PCNX4: variants seen among roughly 807,000 people sequenced by gnomAD.
The protein encoded by PCNX4 is pecanex-like protein 4.
In PCNX4, 103 loss-of-function variants were observed where a neutral mutation model predicts 107.2. The ratio of observed to expected loss-of-function variants is 0.96; its 90% CI spans 0.82 to 1.13. The LOEUF (loss-of-function observed/expected upper bound fraction) is 1.13. Among genes scored for constraint, PCNX4 ranks in the 50% most tolerant of loss-of-function variants. The pLI, the probability that PCNX4 is intolerant of heterozygous loss-of-function variation, is 0.00. For missense variants in PCNX4, 1,528 were observed against 1,379.4 expected, an observed-to-expected ratio of 1.11 and a Z score of -1.71; for synonymous variants, 541 against 481.7, an observed-to-expected ratio of 1.12 and a Z score of -1.61.
chr14:60,113,499 G>T (rs1188393807), intron 2 of PCNX4, among the ~76,000 whole-genome samples: 1 of 152,000 alleles, frequency 6.6e-6, no homozygotes, highest in Non-Finnish European at 1.5e-5. Flanking sequence ...CTCCCTAGTA[G>T]CTGGGATTAC....
intron 1 of PCNX4, among the ~76,000 whole-genome samples, chr14:60,095,552 T>TC (rs1190054038): frequency 1.3e-5 from 2 of 152,188 alleles, no homozygotes; most frequent in Admixed American, 1.3e-4. Context: ...CTTGACTTCT[T>TC]CCCTTTGGCT....
In PCNX4 at chr14:60,145,292, G is replaced by T; in HGVS notation, c.*11071G>T. On this transcript the variant is annotated 3_prime_UTR_variant, in exon 11 of 11. Coordinates refer to ENST00000406854, the MANE Select transcript of PCNX4 (RefSeq NM_001330177.2). The surrounding 1 kb of genome is among the most constrained non-coding windows in gnomAD (Gnocchi z 4.0). ...TAAATTCTCTATAATGACTTTTCTG[G>T]ATCAGCATATCATACCTACACTGAC... 3.9e-6 allele frequency: 1 copy of T among 255,024 alleles called. No homozygotes were observed. Among genetic ancestry groups the T allele is most frequent in the Non-Finnish European group, 7.3e-6 (1 of 136,994 alleles). 15.8% of individuals were successfully genotyped at this position (255,024 alleles called of 1,614,324 possible).
At position 60,135,242 on chromosome 14, in the gene PCNX4, A is replaced by C. The variant is rs138922980; in HGVS notation, c.*1021A>C. 2 of 152,330 alleles carry C rather than the reference A, an allele frequency of 1.3e-5. No homozygotes were observed. The highest frequency in any genetic ancestry group is 4.8e-5 in the African/African-American group (2 of 41,580). 9.4% of individuals were successfully genotyped at this position (152,330 alleles called of 1,614,324 possible). A position where few individuals can be genotyped will look rare whatever the true frequency, so the allele number is the denominator to read the frequency against. On this transcript the variant is annotated 3_prime_UTR_variant, in exon 11 of 11. Coordinates refer to ENST00000406854, the MANE Select transcript of PCNX4 (RefSeq NM_001330177.2). ...TGTATTCTCCTTAGAAATCATTCAA[A>C]TTATATGAAATGTACCAGTTAAGTT...
rs1204715572 is a variant in PCNX4 at position 60,143,733 on chromosome 14, G to A, written c.*9512G>A. The A allele has an allele frequency of 2.0e-5, 3 of 152,292 alleles. No homozygotes were observed. The highest frequency in any genetic ancestry group is 1.9e-4 in the East Asian group (1 of 5,184). 9.4% of individuals were successfully genotyped at this position (152,292 alleles called of 1,614,324 possible). A position where few individuals can be genotyped will look rare whatever the true frequency, so the allele number is the denominator to read the frequency against. Reference sequence around the variant, plus strand: ...CTTTTCCAAGGACAGCCACTTGGGTGGCTTCCAACTTGCCCAACAACTATT... The same window carrying A: ...CTTTTCCAAGGACAGCCACTTGGGTAGCTTCCAACTTGCCCAACAACTATT... On this transcript the variant is annotated 3_prime_UTR_variant, in exon 11 of 11. Coordinates refer to ENST00000406854, the MANE Select transcript of PCNX4 (RefSeq NM_001330177.2).
At chr14:60,096,287 C>T (rs907743982) in intron 1 of PCNX4, among the ~76,000 whole-genome samples, 2 of 152,168 alleles carry the variant, frequency 1.3e-5, no homozygotes, top group Admixed American at 6.5e-5. Context: ...GGTTTTGCAG[C>T]ACAGCTTTCC....
chr14:60,111,244 G>C (rs1895734748), intron 2 of PCNX4: 1 of 152,142 alleles, frequency 6.6e-6, no homozygotes, highest in South Asian at 2.1e-4. Context: ...CACTGAAACT[G>C]ACCTGTCCTT....
chr14:60,110,731 G>C (rs1287957202), intron 2 of PCNX4: 1 of 167,078 alleles, frequency 6.0e-6, no homozygotes, highest in East Asian at 1.9e-4. Flanking sequence ...TTGAATTTTA[G>C]CCATCAGAGT....
intron 8 of PCNX4, among the ~76,000 whole-genome samples, chr14:60,123,145 C>A (rs1895985922): frequency 6.6e-6 from 1 of 152,074 alleles, no homozygotes; most frequent in African/African-American, 2.4e-5. Flanking sequence ...TAATTTTATT[C>A]TATTTAAAAA....
In PCNX4 at chr14:60,124,824, G is replaced by C; in HGVS notation, c.2653G>C (p.Ala885Pro). 6.2e-7 allele frequency: 1 copy of C among 1,613,740 alleles called. No individual in the cohort carries two copies. The highest frequency in any genetic ancestry group is 1.1e-5 in the South Asian group (1 of 91,078). ...CAAAGCAGTTCTATTAGGATACCCTGCTGTTGACAAAGGAAAACAAGAGGA... is the reference window on the plus strand; with the variant it reads ...CAAAGCAGTTCTATTAGGATACCCTCCTGTTGACAAAGGAAAACAAGAGGA... ...LYKAVLLGYP[A>P]VDKGKQEDMP... The change falls in exon 9 of 11, where the codon GCT (alanine) becomes CCT (proline). Residue 885 changes from alanine to proline, a missense_variant. Transcript: ENST00000406854.
intron 7 of PCNX4, among the ~76,000 whole-genome samples, chr14:60,119,356 A>G (rs984155252): frequency 6.6e-6 from 1 of 152,202 alleles, no homozygotes; most frequent in African/African-American, 2.4e-5. Context: ...TAGATAAGGT[A>G]TAATTTGATG....
rs1038206711 is a variant in PCNX4 at position 60,146,243 on chromosome 14, T to G, written c.*12022T>G. The stretch of plus-strand genomic sequence containing the variant: ...TAGAAAAACCTAGATGTAAAAAAAA[T>G]GCGAGATTTGCTAAATGATGTTTAT... On this transcript the variant is annotated 3_prime_UTR_variant, in exon 11 of 11. Transcript: ENST00000406854. The surrounding 1 kb of genome is among the most constrained non-coding windows in gnomAD (Gnocchi z 4.9). 3.3e-5 allele frequency: 5 copies of G among 151,794 alleles called. No individual in the cohort carries two copies. The highest frequency in any genetic ancestry group is 4.1e-4 in the South Asian group (2 of 4,832). The allele number at this position is 151,794 out of a possible 1,614,324, so 9.4% of individuals were successfully genotyped here.
chr14:60,112,978 T>C (rs1209817318), intron 2 of PCNX4, among the ~76,000 whole-genome samples: 1 of 152,210 alleles, frequency 6.6e-6, no homozygotes, highest in African/African-American at 2.4e-5. Context: ...GGTCAAGACA[T>C]CGAGACCATC....
intron 10 of PCNX4, chr14:60,126,160 T>G (rs112849974): frequency 1.9e-3 from 305 of 159,422 alleles, no homozygotes; most frequent in African/African-American, 6.3e-3. Context: ...GAATCATCAC[T>G]TGGATTTGAC....
At chr14:60,106,144 G>A (rs1181756918) in intron 1 of PCNX4, among the ~76,000 whole-genome samples, 1 of 152,044 alleles carries the variant, frequency 6.6e-6, no homozygotes, top group Non-Finnish European at 1.5e-5. Flanking sequence ...GTTCGATTTG[G>A]CCCTGTAGTT....
In PCNX4 at chr14:60,116,009, T is replaced by C; in HGVS notation, c.1527T>C (p.Ser509=). Residue 509 remains serine (S), a synonymous_variant, in exon 6 of 11, where the codon AGT becomes AGC. Coordinates refer to ENST00000406854, the MANE Select transcript of PCNX4 (RefSeq NM_001330177.2). The stretch of plus-strand genomic sequence containing the variant: ...TATCAACAGTACACTTGATCTCCAG[T>C]ACAGACATATGGTGGAACAGAAGCC... ...VIVSTVHLIS[S]TDIWWNRSLD... 1 of 1,613,018 alleles carries C rather than the reference T, an allele frequency of 6.2e-7. No homozygotes were observed. The highest frequency in any genetic ancestry group is 8.5e-7 in the Non-Finnish European group (1 of 1,179,408).
At chr14:60,115,626 G>A in intron 4 of PCNX4, 93 bp from the exon 5 acceptor site, 5 of 1,357,130 alleles carry the variant, frequency 3.7e-6, no homozygotes, top group Non-Finnish European at 5.0e-6. Context: ...TCGCTTAAAT[G>A]TGCTCATAAA....
intron 9 of PCNX4, 65 bp downstream of exon 9, chr14:60,125,316 C>T (rs1242612030): frequency 6.3e-5 from 86 of 1,356,032 alleles, no homozygotes; most frequent in South Asian, 7.0e-5. Context: ...TTCTAAATCA[C>T]GTACAAGAAG....
chr14:60,115,702 T>G lies in PCNX4; in HGVS notation c.1358-17T>G, dbSNP rs765360722. 1.3e-6 allele frequency: 2 copies of G among 1,596,310 alleles called. No individual in the cohort carries two copies. Among genetic ancestry groups the G allele is most frequent in the Non-Finnish European group, 1.7e-6 (2 of 1,168,042 alleles). ...ATTTTGCCTTAATTAAATTTCTCTCTTTTTGTTTTGTTTTAGTATCACCTT... is the reference window on the plus strand; with the variant it reads ...ATTTTGCCTTAATTAAATTTCTCTCGTTTTGTTTTGTTTTAGTATCACCTT... On this transcript the variant is annotated splice_polypyrimidine_tract_variant and intron_variant, in intron 4 of 10. Coordinates refer to ENST00000406854, the MANE Select transcript of PCNX4 (RefSeq NM_001330177.2).
chr14:60,102,523 A>G (rs2140532836), intron 1 of PCNX4, among the ~76,000 whole-genome samples: 1 of 152,170 alleles, frequency 6.6e-6, no homozygotes, highest in East Asian at 1.9e-4. Context: ...TCTGTTTCTT[A>G]CTCTTGTGAG....
Sources: allele counts gnomAD v4.1 joint callset (sites outside exome capture counted in the v4.1 genomes callset), GRCh38; gene constraint gnomAD v4.1.1; non-coding constraint Gnocchi (gnomAD v3.1); transcripts MANE v1.5; gene names NCBI Gene and HGNC (gene_info 2026-07-23, HGNC 2026-07-21).